Variants in USP32 observed in about 807,000 individuals in gnomAD.
The protein encoded by USP32 is ubiquitin specific peptidase 32.
In USP32, 59 loss-of-function variants were observed where a neutral mutation model predicts 204.8. The observed-to-expected ratio is 0.29, with a 90% CI of 0.23 to 0.36. The LOEUF (loss-of-function observed/expected upper bound fraction) is 0.36. Among genes scored for constraint, USP32 ranks in the 10% least tolerant of loss-of-function variants. The probability of loss-of-function intolerance (pLI) is 1.00; values close to 1 mark genes in which losing one functional copy is unlikely to be tolerated. For missense variants in USP32, 1,160 were observed against 1,946.4 expected (o/e 0.60, Z 7.60); for synonymous variants, 517 against 678.4 (o/e 0.76, Z 3.70).
At chr17:60,233,451 T>A (rs1285293437) in intron 12 of USP32, among the ~76,000 whole-genome samples, 2 of 152,004 alleles carry the variant, frequency 1.3e-5, no homozygotes, top group Admixed American at 1.3e-4. Flanking sequence ...CAAAGGAAGA[T>A]CCTGTCTCAA....
intron 4 of USP32, among the ~76,000 whole-genome samples, chr17:60,289,714 A>G (rs2087221070): frequency 1.3e-5 from 2 of 152,190 alleles, no homozygotes; most frequent in Admixed American, 1.3e-4. Flanking sequence ...TTCTAAGCAG[A>G]AAAAGGGAGA....
At chr17:60,241,613 T>G (rs926270347) in intron 11 of USP32, among the ~76,000 whole-genome samples, 1 of 152,130 alleles carries the variant, frequency 6.6e-6, no homozygotes, top group Non-Finnish European at 1.5e-5. Context: ...CTCCTCTCAT[T>G]GTGCTTTTAA....
At chr17:60,389,739 G>C (rs576682249) in intron 1 of USP32, among the ~76,000 whole-genome samples, 1 of 151,674 alleles carries the variant, frequency 6.6e-6, no homozygotes, top group East Asian at 2.0e-4. Context: ...CATGCCGGCC[G>C]GGCGCGGTGG....
intron 2 of USP32, among the ~76,000 whole-genome samples, chr17:60,343,443 C>A (rs1394519300): frequency 1.3e-5 from 2 of 152,156 alleles, no homozygotes. Context: ...GAAATCACAA[C>A]AAACTGTCTC....
intron 13 of USP32, 125 bp downstream of exon 13, chr17:60,225,914 A>C (rs1160825420): frequency 2.9e-6 from 3 of 1,039,434 alleles, no homozygotes; most frequent in Non-Finnish European, 4.0e-6. Flanking sequence ...AGATCGCGCC[A>C]CTGCGCTCCA....
At chr17:60,308,884 G>A (rs1370421625) in intron 2 of USP32, among the ~76,000 whole-genome samples, 2 of 152,192 alleles carry the variant, frequency 1.3e-5, no homozygotes, top group East Asian at 1.9e-4. Flanking sequence ...AGCCGAGACT[G>A]TGCCACTGCA....
At chr17:60,182,822 C>A (rs182605911) in intron 31 of USP32, among the ~76,000 whole-genome samples, 57 of 152,090 alleles carry the variant, frequency 3.7e-4, no homozygotes, top group Admixed American at 3.2e-3. Flanking sequence ...ATCCTCTAGA[C>A]CCCCTGAAAG....
At chr17:60,317,392 T>C (rs2145931338) in intron 2 of USP32, among the ~76,000 whole-genome samples, 1 of 149,930 alleles carries the variant, frequency 6.7e-6, no homozygotes, top group Middle Eastern at 3.7e-3. Flanking sequence ...GATGCATGCC[T>C]GTAGTACCAG....
chr17:60,324,069 C>A (rs1000146479), intron 2 of USP32, among the ~76,000 whole-genome samples: 1 of 152,044 alleles, frequency 6.6e-6, no homozygotes, highest in Non-Finnish European at 1.5e-5. Context: ...TTGCTTGAGG[C>A]CAGGAGTTCA....
At chr17:60,361,622 G>C (rs181103515) in intron 1 of USP32, among the ~76,000 whole-genome samples, 20 of 152,116 alleles carry the variant, frequency 1.3e-4, no homozygotes, top group Admixed American at 8.5e-4. Context: ...GCTTTTCCTA[G>C]CCTCTTGTTC....
At chr17:60,305,444 G>A (rs1442229721) in intron 2 of USP32, among the ~76,000 whole-genome samples, 1 of 152,160 alleles carries the variant, frequency 6.6e-6, no homozygotes, top group Non-Finnish European at 1.5e-5. Flanking sequence ...CTGCCCCCAT[G>A]ATCCAAACAC....
intron 5 of USP32, among the ~76,000 whole-genome samples, chr17:60,281,334 C>T (rs1170146306): frequency 6.6e-6 from 1 of 152,122 alleles, no homozygotes; most frequent in Non-Finnish European, 1.5e-5. Context: ...GTCAGGAGTT[C>T]AAGAGCAGCC....
chr17:60,190,538 T>C, intron 29 of USP32, 25 bp downstream of exon 29: 2 of 1,527,200 alleles, frequency 1.3e-6, no homozygotes, highest in Non-Finnish European at 8.7e-7. Flanking sequence ...AAAACCACCA[T>C]TTTATGGTGG....
intron 9 of USP32, among the ~76,000 whole-genome samples, chr17:60,264,857 CA>C (rs34027846): frequency 7.6e-3 from 329 of 43,504 alleles, no homozygotes; most frequent in African/African-American, 0.018. Flanking sequence ...AAGACTCTGT[CA>C]AAAAAAAAAA....
At chr17:60,374,780 C>T (rs1204959892) in intron 1 of USP32, among the ~76,000 whole-genome samples, 1 of 152,156 alleles carries the variant, frequency 6.6e-6, no homozygotes, top group African/African-American at 2.4e-5. Context: ...AAGTAAATGG[C>T]TACGATGTCA....
intron 27 of USP32, 81 bp from the exon 28 acceptor site, chr17:60,193,011 AC>A: frequency 6.7e-7 from 1 of 1,482,366 alleles, no homozygotes. Context: ...TCTTGAAGTA[AC>A]CCTAGGAAGG....
In USP32 at chr17:60,364,105, C is replaced by G. The variant is rs149127429; in HGVS notation, c.59-18497G>C. Among the ~76,000 whole-genome samples, 457 of 152,264 alleles carry G rather than the reference C, an allele frequency of 3.0e-3. 2 individuals are homozygous for G. The highest frequency in any genetic ancestry group is 0.011 in the African/African-American group (440 of 41,536). On this transcript the variant is annotated intron_variant, in intron 1 of 33. Transcript: ENST00000300896. ...GAGAAGTCCAAGATCAAAGTACCAG[C>G]AGATTCAGTGTCTGGTGAGAGCCTT... is the stretch of plus-strand genomic sequence containing the variant.
At chr17:60,314,784 A>G (rs2087934325) in intron 2 of USP32, among the ~76,000 whole-genome samples, 1 of 152,222 alleles carries the variant, frequency 6.6e-6, no homozygotes, top group Non-Finnish European at 1.5e-5. Context: ...AAAGGTATAT[A>G]ATACATTCCT....
chr17:60,335,136 C>A (rs1411628845), intron 2 of USP32, among the ~76,000 whole-genome samples: 1 of 141,884 alleles, frequency 7.0e-6, no homozygotes. Flanking sequence ...AGACACCCAG[C>A]TAATTTTTTT....
Sources: allele counts gnomAD v4.1 joint callset (sites outside exome capture counted in the v4.1 genomes callset), GRCh38; gene constraint gnomAD v4.1.1; transcripts MANE v1.5; gene names NCBI Gene and HGNC (gene_info 2026-07-23, HGNC 2026-07-21).